Variants in NPAS2 observed in about 807,000 individuals in gnomAD.
NPAS2 encodes neuronal PAS domain-containing protein 2.
A neutral mutation model predicts 107.5 loss-of-function variants in NPAS2; 23 were observed. The ratio of observed to expected loss-of-function variants is 0.21; its 90% confidence interval spans 0.15 to 0.30. The LOEUF (loss-of-function observed/expected upper bound fraction) is 0.30, where lower values mean the gene tolerates loss of function less well. Ranked by LOEUF, NPAS2 falls within the 10% of genes least tolerant of loss-of-function variation. NPAS2 has a pLI of 1.00. For missense variants in NPAS2, 756 were observed against 1,043.3 expected (o/e 0.72, Z 3.79); for synonymous variants, 403 against 417.5 (o/e 0.97, Z 0.42).
At chr2:100,924,069 T>G (rs1209166932) in intron 2 of NPAS2, among the ~76,000 whole-genome samples, 1 of 152,142 alleles carries the variant, frequency 6.6e-6, no homozygotes, top group African/African-American at 2.4e-5. Flanking sequence ...AGGGTGTCAC[T>G]TATTTAAAAT....
intron 7 of NPAS2, among the ~76,000 whole-genome samples, chr2:100,959,896 C>G (rs146999577): frequency 1.2e-4 from 19 of 152,326 alleles, no homozygotes; most frequent in African/African-American, 4.6e-4. Context: ...AGCCAGACAT[C>G]TTTCTCCAGC....
intron 2 of NPAS2, among the ~76,000 whole-genome samples, chr2:100,910,521 TTC>T (rs1389808480): frequency 4.1e-5 from 5 of 121,590 alleles, no homozygotes; most frequent in Admixed American, 1.0e-4. Context: ...AGATGACATC[TTC>T]TTTTTTTTTT....
intron 1 of NPAS2, among the ~76,000 whole-genome samples, chr2:100,874,398 C>G (rs1351477186): frequency 6.6e-6 from 1 of 152,132 alleles, no homozygotes; most frequent in Non-Finnish European, 1.5e-5. Flanking sequence ...GGCATAGTCT[C>G]TGCTTTACCC....
chr2:100,921,252 G>T (rs943966778), intron 2 of NPAS2, among the ~76,000 whole-genome samples: 8 of 152,198 alleles, frequency 5.3e-5, no homozygotes, highest in African/African-American at 1.9e-4. Flanking sequence ...GCCTCTCAGT[G>T]CCTCGCTCCT....
intron 1 of NPAS2, among the ~76,000 whole-genome samples, chr2:100,888,940 TCA>T: frequency 6.6e-6 from 1 of 152,200 alleles, no homozygotes; most frequent in East Asian, 1.9e-4. Flanking sequence ...AAGGAGGAAC[TCA>T]GTCTCTTTTT....
chr2:100,982,069 C>A (rs1456451364), intron 15 of NPAS2, among the ~76,000 whole-genome samples, 162 bp from the exon 16 acceptor site: 2 of 152,336 alleles, frequency 1.3e-5, no homozygotes, highest in South Asian at 2.1e-4. Flanking sequence ...TCATCTGCAG[C>A]CCCTGTTCAC....
chr2:100,829,029 C>T (rs529095864), intron 1 of NPAS2, among the ~76,000 whole-genome samples: 4 of 152,266 alleles, frequency 2.6e-5, no homozygotes, highest in East Asian at 1.9e-4. Context: ...AATCCATGAG[C>T]ATGGAATGTT....
At chr2:100,991,703 G>A (rs373022707) in intron 19 of NPAS2, among the ~76,000 whole-genome samples, 36 of 152,240 alleles carry the variant, frequency 2.4e-4, no homozygotes, top group African/African-American at 8.2e-4. Flanking sequence ...ATTTTATCCC[G>A]ATAAAAACCC....
chr2:100,979,491 T>C (rs1458667082), intron 15 of NPAS2, among the ~76,000 whole-genome samples: 1 of 64,868 alleles, frequency 1.5e-5, no homozygotes, highest in Non-Finnish European at 2.6e-5. Context: ...TATATATATA[T>C]ATATATATAT....
At chr2:100,859,003 G>A (rs1172833192) in intron 1 of NPAS2, among the ~76,000 whole-genome samples, 1 of 152,206 alleles carries the variant, frequency 6.6e-6, no homozygotes, top group African/African-American at 2.4e-5. Flanking sequence ...GGTGGCTCAC[G>A]CCTGTAATCC....
chr2:100,831,460 A>T (rs897987000), intron 1 of NPAS2, among the ~76,000 whole-genome samples: 3 of 152,174 alleles, frequency 2.0e-5, no homozygotes, highest in Admixed American at 1.3e-4. Flanking sequence ...GAAAACTTTA[A>T]ACCCCAAGTT....
chr2:100,940,586 GT>G (rs550244147), intron 5 of NPAS2, among the ~76,000 whole-genome samples: 2 of 152,182 alleles, frequency 1.3e-5, no homozygotes, highest in Non-Finnish European at 2.9e-5. Flanking sequence ...GCATAGAACC[GT>G]GCCTGGCCCA....
chr2:100,958,523 TG>T (rs1675713605), intron 7 of NPAS2, among the ~76,000 whole-genome samples: 1 of 152,200 alleles, frequency 6.6e-6, no homozygotes, highest in African/African-American at 2.4e-5. Context: ...GTCCTTCCCC[TG>T]CAGGGGTCAG....
intron 2 of NPAS2, among the ~76,000 whole-genome samples, chr2:100,914,091 G>A (rs1446823549): frequency 6.6e-6 from 1 of 152,146 alleles, no homozygotes; most frequent in African/African-American, 2.4e-5. Context: ...TAAATAATAT[G>A]CATTTGTCTT....
At chr2:100,931,097 G>A (rs577908717) in intron 3 of NPAS2, among the ~76,000 whole-genome samples, 6 of 152,246 alleles carry the variant, frequency 3.9e-5, no homozygotes, top group African/African-American at 1.2e-4. Flanking sequence ...TCTGGCCCAC[G>A]ATGTGCATGT....
intron 1 of NPAS2, among the ~76,000 whole-genome samples, chr2:100,869,357 T>C (rs1372685837): frequency 1.3e-5 from 2 of 152,220 alleles, no homozygotes; most frequent in East Asian, 1.9e-4. Context: ...CCTTGTACAT[T>C]TGGTGAAATT....
chr2:100,995,146 T>G, intron 20 of NPAS2: 3 of 462,046 alleles, frequency 6.5e-6, no homozygotes, highest in Non-Finnish European at 1.1e-5. Flanking sequence ...GCCACAGGCC[T>G]CAGTCGATTG....
intron 1 of NPAS2, among the ~76,000 whole-genome samples, chr2:100,840,879 C>T (rs1325836904): frequency 1.3e-5 from 2 of 152,034 alleles, no homozygotes; most frequent in Non-Finnish European, 2.9e-5. Context: ...AAAATAAGCA[C>T]GAGGAAGTCT....
rs140085324 is a variant in NPAS2, at chr2:100,848,717, C to G, written c.-23+28303C>G. Among the ~76,000 whole-genome samples, 420 of 152,340 alleles carry G rather than the reference C, an allele frequency of 2.8e-3. 5 individuals are homozygous for G. The highest frequency in any genetic ancestry group is 9.7e-3 in the African/African-American group (403 of 41,578). Reference sequence around the variant, plus strand: ...GCTGGAAATGCATAAAGAGGACATTCCCTGCTAGTCAACGAATACATAGAT... The same window carrying G: ...GCTGGAAATGCATAAAGAGGACATTGCCTGCTAGTCAACGAATACATAGAT... On this transcript the variant is annotated intron_variant, in intron 1 of 20. Transcript: ENST00000335681.
Sources: gnomAD v4.1 joint callset for allele counts (sites outside exome capture counted in the v4.1 genomes callset) on GRCh38, gnomAD v4.1.1 for gene constraint, MANE v1.5 for transcripts, NCBI Gene and HGNC (gene_info 2026-07-23, HGNC 2026-07-21) for gene names.